The following CDH18 variants were observed in gnomAD, a reference collection of about 807,000 sequenced individuals.
The protein encoded by CDH18 is cadherin-18.
CDH18 carries 31 observed loss-of-function variants against 67.9 expected under a neutral mutation model. The observed-to-expected ratio is 0.46, with a 90% CI of 0.34 to 0.62. CDH18 has a LOEUF of 0.62. Among genes scored for constraint, CDH18 ranks in the 20% least tolerant of loss-of-function variants. The pLI, the probability that CDH18 is intolerant of heterozygous loss-of-function variation, is 0.01. For synonymous variants in CDH18, 362 were observed against 347.2 expected (o/e 1.04, Z -0.48); for missense variants, 890 against 975.5 (o/e 0.91, Z 1.17).
intron 1 of CDH18, among the ~76,000 whole-genome samples, chr5:20,552,014 G>A (rs1419032561): frequency 6.6e-6 from 1 of 151,654 alleles, no homozygotes; most frequent in Non-Finnish European, 1.5e-5. Flanking sequence ...AATTATAGTT[G>A]GAGAAGAAAG....
intron 1 of CDH18, among the ~76,000 whole-genome samples, chr5:20,361,047 AAAG>A (rs2150071444): frequency 6.6e-6 from 1 of 152,242 alleles, no homozygotes; most frequent in Admixed American, 6.5e-5. Flanking sequence ...ATATGTATTT[AAAG>A]AAGAATTAAA....
intron 1 of CDH18, among the ~76,000 whole-genome samples, chr5:20,285,726 G>A (rs985866007): frequency 5.9e-5 from 9 of 151,302 alleles, no homozygotes; most frequent in African/African-American, 2.2e-4. Context: ...TAATTGATAT[G>A]CCTTTTAACT....
chr5:20,502,371 G>T (rs1240889498), intron 1 of CDH18, among the ~76,000 whole-genome samples: 1 of 152,052 alleles, frequency 6.6e-6, no homozygotes, highest in Non-Finnish European at 1.5e-5. Context: ...ACCAAAAACT[G>T]CCTCAAGGAT....
intron 2 of CDH18, among the ~76,000 whole-genome samples, chr5:20,225,128 CA>C (rs1214020423): frequency 1.3e-5 from 2 of 152,122 alleles, no homozygotes; most frequent in Admixed American, 6.5e-5. Flanking sequence ...GTCACCACAT[CA>C]GTGACATTGT....
chr5:19,870,499 T>C (rs1050810275), intron 2 of CDH18, among the ~76,000 whole-genome samples: 6 of 152,152 alleles, frequency 3.9e-5, no homozygotes, highest in African/African-American at 1.4e-4. Context: ...ATCGGTATGA[T>C]ATTCTCTTGC....
intron 3 of CDH18, among the ~76,000 whole-genome samples, chr5:19,786,092 A>G (rs1775748333): frequency 1.3e-5 from 2 of 152,104 alleles, no homozygotes; most frequent in African/African-American, 4.8e-5. Flanking sequence ...TATTTCTGCA[A>G]TTTAAAAACA....
At chr5:19,664,578 A>G (rs570657883) in intron 5 of CDH18, among the ~76,000 whole-genome samples, 4 of 137,580 alleles carry the variant, frequency 2.9e-5, no homozygotes, top group South Asian at 5.0e-4. Context: ...TTATATTAAC[A>G]ACCCAAATAT....
intron 1 of CDH18, among the ~76,000 whole-genome samples, chr5:20,523,696 C>T (rs372475181): frequency 2.6e-5 from 4 of 152,036 alleles, no homozygotes; most frequent in Non-Finnish European, 4.4e-5. Context: ...TGTGCCAGCA[C>T]GCCTGGCTAA....
At chr5:20,432,133 A>C (rs893306760) in intron 1 of CDH18, among the ~76,000 whole-genome samples, 3 of 152,162 alleles carry the variant, frequency 2.0e-5, no homozygotes, top group Non-Finnish European at 4.4e-5. Flanking sequence ...ATAAATTGTG[A>C]TTTCCTTGAG....
chr5:19,881,746 TC>T (rs1361654620), intron 2 of CDH18, among the ~76,000 whole-genome samples: 3 of 152,048 alleles, frequency 2.0e-5, no homozygotes, highest in Non-Finnish European at 4.4e-5. Context: ...CCTCAGGTGA[TC>T]CACCCGCCTC....
intron 1 of CDH18, among the ~76,000 whole-genome samples, chr5:20,461,550 G>C (rs1470470461): frequency 6.6e-6 from 1 of 151,876 alleles, no homozygotes; most frequent in East Asian, 1.9e-4. Flanking sequence ...TTAATGTGAG[G>C]GCTGCTTTTC....
At chr5:19,529,296 A>G (rs1410822477) in intron 9 of CDH18, among the ~76,000 whole-genome samples, 1 of 152,044 alleles carries the variant, frequency 6.6e-6, no homozygotes, top group African/African-American at 2.4e-5. Flanking sequence ...TTTAACAAGA[A>G]ATAAAGAACA....
At chr5:20,277,584 A>G (rs756432995) in intron 1 of CDH18, among the ~76,000 whole-genome samples, 10 of 152,068 alleles carry the variant, frequency 6.6e-5, no homozygotes, top group Non-Finnish European at 1.0e-4. Flanking sequence ...GACTATAATA[A>G]ATACCTAAGT....
At chr5:19,898,436 T>C (rs1789578532) in intron 2 of CDH18, among the ~76,000 whole-genome samples, 1 of 152,060 alleles carries the variant, frequency 6.6e-6, no homozygotes, top group Non-Finnish European at 1.5e-5. Flanking sequence ...AGGGTGCCTT[T>C]TATAAAATTA....
chr5:19,579,021 T>G (rs1306767622), intron 7 of CDH18, among the ~76,000 whole-genome samples: 1 of 152,004 alleles, frequency 6.6e-6, no homozygotes, highest in Admixed American at 6.6e-5. Flanking sequence ...TACTAAATAT[T>G]CTATAGGCGC....
At chr5:20,492,062 A>G (rs1034092743) in intron 1 of CDH18, among the ~76,000 whole-genome samples, 2 of 152,084 alleles carry the variant, frequency 1.3e-5, no homozygotes, top group African/African-American at 4.8e-5. Context: ...CTGCCTAGAA[A>G]AATTCAGTAG....
At chr5:19,543,764 C>A in intron 9 of CDH18, 105 bp downstream of exon 9, 1 of 730,150 alleles carries the variant, frequency 1.4e-6, no homozygotes, top group East Asian at 2.5e-5. Context: ...TCTCCTAGAT[C>A]CTGATATCAA....
At chr5:19,559,933 A>AAAAAAAAAAT (rs1290958798) in intron 8 of CDH18, among the ~76,000 whole-genome samples, 1 of 151,684 alleles carries the variant, frequency 6.6e-6, no homozygotes, top group Non-Finnish European at 1.5e-5. Context: ...AACAAAAAAA[A>AAAAAAAAAAT]AACTCAGGAA....
intron 1 of CDH18, among the ~76,000 whole-genome samples, chr5:20,475,788 G>T (rs1407869470): frequency 6.6e-6 from 1 of 152,104 alleles, no homozygotes; most frequent in African/African-American, 2.4e-5. Context: ...ATTAGAGAGG[G>T]TTCAGTCAGG....
Sources: gnomAD v4.1 joint callset for allele counts (sites outside exome capture counted in the v4.1 genomes callset) on GRCh38, gnomAD v4.1.1 for gene constraint, MANE v1.5 for transcripts, NCBI Gene and HGNC (gene_info 2026-07-23, HGNC 2026-07-21) for gene names.